RPS6KC1: variants seen among roughly 807,000 people sequenced by gnomAD.
RPS6KC1 encodes inactive ribosomal protein S6 kinase delta-1.
Under a neutral mutation model 103.8 loss-of-function variants are expected in RPS6KC1, and 54 were observed. The ratio of observed to expected loss-of-function variants is 0.52; its 90% CI spans 0.42 to 0.65. The LOEUF (loss-of-function observed/expected upper bound fraction) is 0.65. Among genes scored for constraint, RPS6KC1 ranks in the 30% least tolerant of loss-of-function variants. The pLI, the probability that RPS6KC1 is intolerant of heterozygous loss-of-function variation, is 0.00. For missense variants in RPS6KC1, 1,151 were observed against 1,253.8 expected, an observed-to-expected ratio of 0.92 and a Z score of 1.24; for synonymous variants, 439 against 438.7, an observed-to-expected ratio of 1.00 and a Z score of -0.01.
the RPS6KC1 span, among the ~76,000 whole-genome samples, chr1:213,295,223 C>T: frequency 6.6e-6 from 1 of 152,174 alleles, no homozygotes; most frequent in African/African-American, 2.4e-5. Flanking sequence ...TGGAATTTCA[C>T]TGCAGTATTT....
At chr1:213,310,308 A>AGT in the RPS6KC1 span, among the ~76,000 whole-genome samples, 6 of 152,300 alleles carry the variant, frequency 3.9e-5, no homozygotes, top group Admixed American at 2.6e-4. Context: ...GAGGTTATAA[A>AGT]GTCCAACCAT....
chr1:213,121,505 T>C (rs2084380998), intron 5 of RPS6KC1, among the ~76,000 whole-genome samples: 1 of 152,246 alleles, frequency 6.6e-6, no homozygotes, highest in Non-Finnish European at 1.5e-5. Context: ...TAACATCTTA[T>C]TTCTATTATG....
the RPS6KC1 span, among the ~76,000 whole-genome samples, chr1:213,799,450 G>A: frequency 1.3e-5 from 2 of 152,156 alleles, no homozygotes; most frequent in Non-Finnish European, 2.9e-5. Context: ...TAGCAAGCTG[G>A]GAATGGGCTG....
At position 213,203,254 on chromosome 1, in the gene RPS6KC1, A is replaced by G. The variant is rs373725783; in HGVS notation, c.1044+26762A>G. Among the ~76,000 whole-genome samples the G allele has an allele frequency of 7.2e-5, 11 of 152,242 alleles. No individual in the cohort carries two copies. The East Asian group carries it at 9.7e-4, about 13-fold the overall frequency. ...AAAATTTGAAATTTGAAATGCTACA[A>G]TGAGCATTTCCTTTGAGTGTCATGT... is the stretch of plus-strand genomic sequence containing the variant. On this transcript the variant is annotated intron_variant, in intron 8 of 14. Coordinates refer to ENST00000366960, the MANE Select transcript of RPS6KC1 (RefSeq NM_012424.6).
the RPS6KC1 span, among the ~76,000 whole-genome samples, chr1:213,337,821 G>A: frequency 8.5e-5 from 13 of 152,152 alleles, no homozygotes; most frequent in Admixed American, 5.9e-4. Context: ...CATTGCCCTC[G>A]TGCAGCGTAT....
intron 3 of RPS6KC1, among the ~76,000 whole-genome samples, chr1:213,079,742 C>T (rs1004881207): frequency 1.7e-4 from 26 of 151,786 alleles, no homozygotes; most frequent in Admixed American, 6.6e-5. Flanking sequence ...AGGCATGTGG[C>T]TAAGTAAAAT....
chr1:213,415,776 G>A, the RPS6KC1 span, among the ~76,000 whole-genome samples: 10 of 152,104 alleles, frequency 6.6e-5, no homozygotes, highest in Non-Finnish European at 1.5e-4. Context: ...GTGGAGCCTC[G>A]GGCTTCAGGA....
Position 213,211,055 on chromosome 1 carries a change from G to T in RPS6KC1, c.1045-19442G>T, listed in dbSNP as rs146432214. Reference sequence around the variant, plus strand: ...TTAAACTAGGGTATGAATGGACAGTGAAATAGTTTACATCAGCATCAGAGT... The same window carrying T: ...TTAAACTAGGGTATGAATGGACAGTTAAATAGTTTACATCAGCATCAGAGT... On this transcript the variant is annotated intron_variant, in intron 8 of 14. Transcript: ENST00000366960. Among the ~76,000 whole-genome samples, 111 of 152,326 alleles carry T rather than the reference G, an allele frequency of 7.3e-4. 1 individual carries two copies. Among genetic ancestry groups the T allele is most frequent in the African/African-American group, 2.6e-3 (108 of 41,584 alleles).
the RPS6KC1 span, among the ~76,000 whole-genome samples, chr1:213,827,784 A>G: frequency 2.0e-5 from 3 of 152,246 alleles, no homozygotes; most frequent in East Asian, 5.8e-4. Flanking sequence ...GACTAGTCGG[A>G]TGAGACACCT....
the RPS6KC1 span, among the ~76,000 whole-genome samples, chr1:213,480,882 G>C: frequency 6.6e-6 from 1 of 152,052 alleles, no homozygotes; most frequent in Admixed American, 6.6e-5. Flanking sequence ...TATGTGTTGA[G>C]ATAACTATGC....
chr1:213,154,800 C>G (rs1190890483), intron 6 of RPS6KC1, among the ~76,000 whole-genome samples: 2 of 152,298 alleles, frequency 1.3e-5, no homozygotes, highest in South Asian at 4.1e-4. Flanking sequence ...TTACTTTTCC[C>G]TCTGCTTTTC....
At chr1:213,536,048 A>G in the RPS6KC1 span, among the ~76,000 whole-genome samples, 1 of 150,766 alleles carries the variant, frequency 6.6e-6, no homozygotes, top group Non-Finnish European at 1.5e-5. Flanking sequence ...GTCAAATACT[A>G]TAAACACTTT....
chr1:213,226,272 G>A (rs2093960496), intron 8 of RPS6KC1, among the ~76,000 whole-genome samples: 1 of 151,652 alleles, frequency 6.6e-6, no homozygotes, highest in African/African-American at 2.4e-5. Context: ...GAGACTTAAG[G>A]AACACTAAAT....
intron 3 of RPS6KC1, among the ~76,000 whole-genome samples, chr1:213,085,449 C>T (rs2148609340): frequency 6.6e-6 from 1 of 152,264 alleles, no homozygotes; most frequent in African/African-American, 2.4e-5. Flanking sequence ...CAGACTACTA[C>T]ACAATGTATA....
chr1:213,699,428 A>T, the RPS6KC1 span, among the ~76,000 whole-genome samples: 2 of 152,114 alleles, frequency 1.3e-5, no homozygotes, highest in African/African-American at 4.8e-5. Context: ...TCCGTTGTGT[A>T]TAAGTACATT....
chr1:213,074,842 A>ATT (rs2079164421), intron 2 of RPS6KC1, among the ~76,000 whole-genome samples: 2 of 103,224 alleles, frequency 1.9e-5, no homozygotes, highest in South Asian at 6.9e-4. Flanking sequence ...AACTAGAATA[A>ATT]ATTTTTTTTT....
the RPS6KC1 span, among the ~76,000 whole-genome samples, chr1:213,654,731 T>C: frequency 2.2e-3 from 338 of 152,332 alleles, 1 homozygote; most frequent in African/African-American, 7.9e-3. Flanking sequence ...CCCCAGTTTT[T>C]GCTGCCTGTC....
intron 6 of RPS6KC1, among the ~76,000 whole-genome samples, chr1:213,138,749 A>G (rs984954635): frequency 2.0e-5 from 3 of 152,224 alleles, no homozygotes; most frequent in South Asian, 2.1e-4. Context: ...TTCTTTATCC[A>G]GTTCACCGTT....
At chr1:213,145,872 A>G (rs2087700751) in intron 6 of RPS6KC1, among the ~76,000 whole-genome samples, 1 of 151,534 alleles carries the variant, frequency 6.6e-6, no homozygotes, top group Non-Finnish European at 1.5e-5. Flanking sequence ...TGAACAATCC[A>G]ATTACACGCT....
Sources: allele counts gnomAD v4.1 joint callset (sites outside exome capture counted in the v4.1 genomes callset), GRCh38; gene constraint gnomAD v4.1.1; transcripts MANE v1.5; gene names NCBI Gene and HGNC (gene_info 2026-07-23, HGNC 2026-07-21).